The following RILPL1 variants were observed in gnomAD, a reference collection of about 807,000 sequenced individuals.
RILPL1 encodes the protein Rab interacting lysosomal protein like 1.
In RILPL1, 33 loss-of-function variants were observed where a neutral mutation model predicts 50.3. That is an observed-to-expected ratio of 0.66 (90% CI 0.50 to 0.88). The LOEUF (loss-of-function observed/expected upper bound fraction) is 0.88. Ranked by LOEUF, RILPL1 falls within the 40% of genes least tolerant of loss-of-function variation. The pLI is 0.00. For missense variants in RILPL1, 418 were observed against 542.5 expected (o/e 0.77, Z 2.28); for synonymous variants, 205 against 228.6 (o/e 0.90, Z 0.93).
At position 123,471,101 on chromosome 12, in the gene RILPL1, C is replaced by CACTCT; in HGVS notation, c.*1432_*1436dup. 2.7e-5 allele frequency: 4 copies of CACTCT among 147,622 alleles called. No individual in the cohort carries two copies. In the Admixed American group the frequency reaches 2.7e-4, roughly 10 times the overall value. 9.1% of individuals were successfully genotyped at this position (147,622 alleles called of 1,614,324 possible). ...TTTTTTTTTTTTTTAGATGAAGTCT[C>CACTCT]ACTCTGTCGCCCAGGCTGGAGTGCA... is the stretch of plus-strand genomic sequence containing the variant. On this transcript the variant is annotated 3_prime_UTR_variant, in exon 7 of 7. Transcript: ENST00000376874.
chr12:123,486,904 T>C lies in RILPL1; in HGVS notation c.802-1099A>G, dbSNP rs1593542990. Reference sequence around the variant, plus strand: ...AACTCCACCACCCGGGTTCAAGCCATCCTCCTGCCTCAGCCTCCTGAGTAC... The same window carrying C: ...AACTCCACCACCCGGGTTCAAGCCACCCTCCTGCCTCAGCCTCCTGAGTAC... On this transcript the variant is annotated intron_variant, in intron 4 of 6. Transcript: ENST00000376874. Among the ~76,000 whole-genome samples the C allele has an allele frequency of 3.3e-5, 5 of 152,014 alleles. No homozygotes were observed. In the Middle Eastern group the frequency reaches 0.017, roughly 517 times the overall value.
Position 123,498,709 on chromosome 12 carries a change from G to T in RILPL1, c.636C>A (p.Val212=). ...MKINHDLRHR[V]TVVEAQGKAL... ...CTTTCCCCTGGGCCTCCACCACCGT[G>T]ACCCGGTGCCGAAGGTCATGGTTGA... The change falls in exon 4 of 7, where the codon GTC becomes GTA. Residue 212 remains valine, a synonymous_variant. Coordinates refer to ENST00000376874, the MANE Select transcript of RILPL1 (RefSeq NM_178314.5). This position sits in a 1 kb window ranked among gnomAD's most constrained non-coding sequence, Gnocchi z 4.3. The T allele has an allele frequency of 6.2e-7, 1 of 1,613,586 alleles. No homozygotes were observed.
intron 4 of RILPL1, among the ~76,000 whole-genome samples, chr12:123,493,454 T>G (rs1241680468): frequency 6.6e-6 from 1 of 152,184 alleles, no homozygotes; most frequent in Non-Finnish European, 1.5e-5. Flanking sequence ...TGAACACTGG[T>G]TCCCTGGGTC....
intron 2 of RILPL1, among the ~76,000 whole-genome samples, chr12:123,501,813 A>G (rs922259592): frequency 1.3e-4 from 19 of 151,650 alleles, no homozygotes; most frequent in African/African-American, 4.4e-4. Context: ...AAACAAAACA[A>G]AAACTGTAAT....
chr12:123,488,703 G>A (rs554252376), intron 4 of RILPL1, among the ~76,000 whole-genome samples: 57 of 152,332 alleles, frequency 3.7e-4, no homozygotes, highest in African/African-American at 1.3e-3. Flanking sequence ...GGGGGAGCAA[G>A]CTGACCCTGC....
chr12:123,501,893 T>A (rs913140350), intron 2 of RILPL1, among the ~76,000 whole-genome samples: 1 of 150,512 alleles, frequency 6.6e-6, no homozygotes, highest in African/African-American at 2.4e-5. Flanking sequence ...CTGACCAACA[T>A]GGAGAAACCC....
Position 123,522,998 on chromosome 12 carries a change from T to C in RILPL1, c.460+497A>G, listed in dbSNP as rs561909422. On this transcript the variant is annotated intron_variant, in intron 2 of 6. Transcript: ENST00000376874. The surrounding 1 kb of genome is among the most constrained non-coding windows in gnomAD (Gnocchi z 4.0). The stretch of plus-strand genomic sequence containing the variant: ...AAATGCAGATATTTGCGTGGCTCAC[T>C]CTGTTACTTCATTAGGGTTCAAATG... 6.6e-6 allele frequency among the ~76,000 whole-genome samples: 1 copy of C among 152,142 alleles called. No homozygotes were observed. The highest frequency in any genetic ancestry group is 1.5e-5 in the Non-Finnish European group (1 of 68,018).
chr12:123,484,326 G>T, intron 5 of RILPL1, 54 bp from the exon 6 acceptor site: 1 of 1,169,200 alleles, frequency 8.6e-7, no homozygotes, highest in Non-Finnish European at 1.3e-6. Flanking sequence ...CTTGAGAACT[G>T]GAACATTCCA....
intron 4 of RILPL1, among the ~76,000 whole-genome samples, chr12:123,487,898 G>A (rs1593544246): frequency 6.6e-6 from 1 of 152,212 alleles, no homozygotes; most frequent in Non-Finnish European, 1.5e-5. Flanking sequence ...AATGCACAAG[G>A]GTTCCAATTT....
rs558890178 is a variant in RILPL1 at position 123,499,635 on chromosome 12, C to A, written c.461-99G>T. On this transcript the variant is annotated intron_variant, in intron 2 of 6. Transcript: ENST00000376874. ...GGATGAAACTGAGGTCTTAGTGGCCCCCCGGCCTCCTCCCCAGCCTCATCC... is the reference window on the plus strand; with the variant it reads ...GGATGAAACTGAGGTCTTAGTGGCCACCCGGCCTCCTCCCCAGCCTCATCC... The A allele has an allele frequency of 8.1e-6, 7 of 867,220 alleles. No individual in the cohort carries two copies. In the East Asian group the frequency reaches 1.6e-4, roughly 19 times the overall value. The allele number at this position is 867,220 out of a possible 1,614,324, so 53.7% of individuals were successfully genotyped here.
intron 1 of RILPL1, among the ~76,000 whole-genome samples, chr12:123,529,430 C>A (rs1164931949): frequency 6.6e-6 from 1 of 152,124 alleles, no homozygotes; most frequent in African/African-American, 2.4e-5. Context: ...GCGTGCGCCA[C>A]CACACCCAGC....
Position 123,485,637 on chromosome 12 carries a change from T to C in RILPL1, c.970A>G (p.Lys324Glu). Residue 324 changes from lysine (K) to glutamate (E), a missense_variant, in exon 5 of 7, where the codon AAG (lysine) becomes GAG (glutamate). Transcript: ENST00000376874. The surrounding 1 kb of genome is among the most constrained non-coding windows in gnomAD (Gnocchi z 4.0). ...TCCAGCCCCAGGGACACTTGCCTCT[T>C]ATAGTAAGCCAGCTCCTCCTGCAGC... ...FLLQEELAYY[K>E]SEEMEEENRI... 1 of 1,613,586 alleles carries C rather than the reference T, an allele frequency of 6.2e-7. No homozygotes were observed. Among genetic ancestry groups the C allele is most frequent in the Non-Finnish European group, 8.5e-7 (1 of 1,179,702 alleles).
rs144661724 is a variant in RILPL1, at chr12:123,496,139, A to G, written c.801+2405T>C. Among the ~76,000 whole-genome samples, 1,129 of 150,954 alleles carry G rather than the reference A, an allele frequency of 7.5e-3. 10 individuals carry two copies. The highest frequency in any genetic ancestry group is 0.014 in the Middle Eastern group (4 of 290). On this transcript the variant is annotated intron_variant, in intron 4 of 6. Coordinates refer to ENST00000376874, the MANE Select transcript of RILPL1 (RefSeq NM_178314.5). ...GCAATTCTCCTGTCCCAGCCCCCCA[A>G]AGTAATTGGGACTACAGGTGTGCAC...
At chr12:123,511,126 G>GTA (rs1555268011) in intron 2 of RILPL1, among the ~76,000 whole-genome samples, 1 of 7,120 alleles carries the variant, frequency 1.4e-4, no homozygotes, top group Non-Finnish European at 4.6e-4. Flanking sequence ...GGTGTGTGAG[G>GTA]TCTATGTGTG....
At chr12:123,515,038 C>G (rs568197619) in intron 2 of RILPL1, among the ~76,000 whole-genome samples, 1 of 151,558 alleles carries the variant, frequency 6.6e-6, no homozygotes, top group African/African-American at 2.4e-5. Context: ...TCAAAAGATT[C>G]TCCCACCTCA....
intron 6 of RILPL1, among the ~76,000 whole-genome samples, chr12:123,481,141 G>T (rs558220127): frequency 6.6e-6 from 1 of 152,240 alleles, no homozygotes; most frequent in South Asian, 2.1e-4. Context: ...TGGATCACCT[G>T]AAGTCAGGAG....
intron 3 of RILPL1, among the ~76,000 whole-genome samples, 165 bp downstream of exon 3, chr12:123,499,253 G>A (rs1883216551): frequency 6.6e-6 from 1 of 152,144 alleles, no homozygotes; most frequent in Admixed American, 6.6e-5. Context: ...GTGAAGACTT[G>A]AAGTTTCCAG....
In RILPL1 at chr12:123,484,212, C is replaced by T. The variant is rs751631270; in HGVS notation, c.1035G>A (p.Thr345=). Residue 345 remains threonine (T), a synonymous_variant, in exon 6 of 7, where the codon ACG becomes ACA. Transcript: ENST00000376874. ...TGATGCCCGACTCCGGCTGGGGGGA[C>T]GTCCTCGGGTGGGCGATGGGTGGGG... The part of the protein sequence containing the change: ...PQPPPIAHPR[T]SPQPESGIKR... 13 of 1,588,880 alleles carry T rather than the reference C, an allele frequency of 8.2e-6. No individual in the cohort carries two copies. The highest frequency in any genetic ancestry group is 5.5e-5 in the South Asian group (5 of 90,564).
Position 123,533,024 on chromosome 12 carries a change from GC to G in RILPL1, c.309+149del. 1.2e-6 allele frequency: 1 copy of G among 836,554 alleles called. No individual in the cohort carries two copies. The highest frequency in any genetic ancestry group is 1.8e-6 in the Non-Finnish European group (1 of 556,628). The allele number at this position is 836,554 out of a possible 1,614,324, so 51.8% of individuals were successfully genotyped here. ...GCCACCCCTGGTCGGGCAAAAGAAG[GC>G]CAGGGCCTCCCTCCCTCCCCACGTC... On this transcript the variant is annotated intron_variant, in intron 1 of 6. Coordinates refer to ENST00000376874, the MANE Select transcript of RILPL1 (RefSeq NM_178314.5). The surrounding 1 kb of genome is among the most constrained non-coding windows in gnomAD (Gnocchi z 6.2).
Sources: allele counts gnomAD v4.1 joint callset (sites outside exome capture counted in the v4.1 genomes callset), GRCh38; gene constraint gnomAD v4.1.1; non-coding constraint Gnocchi (gnomAD v3.1); transcripts MANE v1.5; gene names NCBI Gene and HGNC (gene_info 2026-07-23, HGNC 2026-07-21).